Variants in MYO6 observed in about 807,000 individuals in gnomAD.
MYO6 encodes myosin VI.
A neutral mutation model predicts 178.7 loss-of-function variants in MYO6; 74 were observed. That is an observed-to-expected ratio of 0.41 (90% CI 0.34 to 0.50). The LOEUF (loss-of-function observed/expected upper bound fraction) is 0.50. Ranked by LOEUF, MYO6 falls within the 20% of genes least tolerant of loss-of-function variation. The pLI is 0.09. For synonymous variants in MYO6, 477 were observed against 504.6 expected (o/e 0.95, Z 0.73); for missense variants, 1,330 against 1,547.4 (o/e 0.86, Z 2.36).
At chr6:75,898,526 A>G in intron 30 of MYO6, 115 bp downstream of exon 30, 1 of 851,026 alleles carries the variant, frequency 1.2e-6, no homozygotes, top group East Asian at 2.6e-5. Flanking sequence ...TTTCTATGTA[A>G]AGTGATATTT....
At position 75,866,953 on chromosome 6, in the gene MYO6, A is replaced by G; in HGVS notation, c.1792A>G (p.Asn598Asp). The change falls in exon 18 of 35, where the codon AAT becomes GAT. Residue 598 changes from asparagine to aspartate, a missense_variant. Coordinates refer to ENST00000369977, the MANE Select transcript of MYO6 (RefSeq NM_004999.4). ...YETTQFVEKN[N>D]DALHMSLESL... is the part of the protein sequence containing the mutation. ...TCAGACCCAGTTTGTGGAGAAAAAT[A>G]ATGATGCTTTACATATGTCTCTTGA... 1.2e-6 allele frequency: 2 copies of G among 1,614,018 alleles called. No individual in the cohort carries two copies. The highest frequency in any genetic ancestry group is 8.5e-7 in the Non-Finnish European group (1 of 1,179,924).
intron 2 of MYO6, among the ~76,000 whole-genome samples, chr6:75,820,513 G>A (rs962321163): frequency 2.0e-5 from 3 of 152,098 alleles, no homozygotes; most frequent in Admixed American, 2.0e-4. Context: ...GGGATTACAG[G>A]TGCCCACCAC....
chr6:75,861,379 T>C (rs975561186), intron 15 of MYO6, among the ~76,000 whole-genome samples: 2 of 152,242 alleles, frequency 1.3e-5, no homozygotes, highest in Admixed American at 6.5e-5. Context: ...CTTAATTGCC[T>C]AGTCAGTAAA....
At chr6:75,858,028 A>G (rs562870715) in intron 13 of MYO6, among the ~76,000 whole-genome samples, 5 of 151,922 alleles carry the variant, frequency 3.3e-5, no homozygotes, top group Non-Finnish European at 5.9e-5. Context: ...TTTAAACTTT[A>G]TAATTCTCTA....
intron 11 of MYO6, among the ~76,000 whole-genome samples, chr6:75,849,876 A>G (rs185823357): frequency 6.6e-6 from 1 of 152,196 alleles, no homozygotes; most frequent in East Asian, 1.9e-4. Context: ...AGGAGACGGG[A>G]ATTTACGGGA....
At chr6:75,864,422 G>T (rs1447025692) in intron 16 of MYO6, among the ~76,000 whole-genome samples, 1 of 152,178 alleles carries the variant, frequency 6.6e-6, no homozygotes, top group Non-Finnish European at 1.5e-5. Flanking sequence ...TTCTTGTAAT[G>T]TGGAATCTAT....
intron 3 of MYO6, among the ~76,000 whole-genome samples, chr6:75,825,135 A>G (rs970419187): frequency 3.3e-5 from 5 of 152,216 alleles, no homozygotes; most frequent in Admixed American, 1.3e-4. Context: ...ACTGTTGCTT[A>G]TTGTCACAAG....
intron 1 of MYO6, among the ~76,000 whole-genome samples, chr6:75,802,564 C>T (rs891769298): frequency 6.6e-6 from 1 of 150,848 alleles, no homozygotes; most frequent in South Asian, 2.1e-4. Flanking sequence ...ACTCACTAGC[C>T]TCAACATCCC....
chr6:75,829,945 A>T (rs1467527688), intron 4 of MYO6, among the ~76,000 whole-genome samples: 1 of 152,196 alleles, frequency 6.6e-6, no homozygotes, highest in Non-Finnish European at 1.5e-5. Flanking sequence ...AGCTGTATTA[A>T]ACTCCTTAGT....
chr6:75,857,412 C>T (rs1775817566), intron 13 of MYO6, among the ~76,000 whole-genome samples, 158 bp downstream of exon 13: 1 of 152,020 alleles, frequency 6.6e-6, no homozygotes, highest in Non-Finnish European at 1.5e-5. Flanking sequence ...AGATAGGGAG[C>T]TGATACTTTA....
chr6:75,838,052 T>C (rs190527561), intron 7 of MYO6, among the ~76,000 whole-genome samples: 1 of 138,176 alleles, frequency 7.2e-6, no homozygotes, highest in Non-Finnish European at 1.6e-5. Flanking sequence ...CTTCTATAGC[T>C]TCTTTTTTTT....
chr6:75,884,018 A>G (rs2149352684), intron 23 of MYO6, among the ~76,000 whole-genome samples: 1 of 152,378 alleles, frequency 6.6e-6, no homozygotes, highest in South Asian at 2.1e-4. Flanking sequence ...CAAATAAAAT[A>G]CAGAAACATC....
chr6:75,867,114 GTTAT>G lies in MYO6; in HGVS notation c.1944+13_1944+16del. 2 of 1,585,420 alleles carry G rather than the reference GTTAT, an allele frequency of 1.3e-6. No individual in the cohort carries two copies. The highest frequency in any genetic ancestry group is 1.7e-6 in the Non-Finnish European group (2 of 1,166,966). ...TGGGAAACAAGTTTAAGGTATTTGT[GTTAT>G]TTAATTTTTTTTTTACTATATTTAA... On this transcript the variant is annotated intron_variant, in intron 18 of 34. Coordinates refer to ENST00000369977, the MANE Select transcript of MYO6 (RefSeq NM_004999.4).
chr6:75,817,608 A>G lies in MYO6; in HGVS notation c.61A>G (p.Ile21Val), dbSNP rs546375259. 1.9e-6 allele frequency: 3 copies of G among 1,614,178 alleles called. No individual in the cohort carries two copies. The East Asian group carries it at 6.7e-5, about 36-fold the overall frequency. ...TACAGATGGATTTCAGATGGGCAAT[A>G]TTGTGGATATTGGCCCCGACAGCTT... ...HPTDGFQMGN[I>V]VDIGPDSLTI... Residue 21 changes from isoleucine to valine, a missense_variant, in exon 2 of 35, where the codon ATT becomes GTT. Transcript: ENST00000369977.
intron 1 of MYO6, among the ~76,000 whole-genome samples, chr6:75,796,369 G>A (rs922995446): frequency 7.9e-5 from 12 of 152,048 alleles, no homozygotes; most frequent in African/African-American, 2.7e-4. Context: ...GTCTTACTAA[G>A]TAACATTTAT....
intron 1 of MYO6, among the ~76,000 whole-genome samples, chr6:75,800,327 G>T (rs1013006784): frequency 6.6e-6 from 1 of 152,126 alleles, no homozygotes; most frequent in Non-Finnish European, 1.5e-5. Flanking sequence ...ACAGGACCTG[G>T]GAGCTGCCGA....
At chr6:75,877,358 C>G (rs1777646400) in intron 20 of MYO6, among the ~76,000 whole-genome samples, 1 of 151,794 alleles carries the variant, frequency 6.6e-6, no homozygotes, top group Non-Finnish European at 1.5e-5. Context: ...CCTCTGCCTT[C>G]TGGGTTCAAG....
intron 32 of MYO6, among the ~76,000 whole-genome samples, chr6:75,911,259 G>T (rs781761733): frequency 6.6e-6 from 1 of 151,884 alleles, no homozygotes; most frequent in African/African-American, 2.4e-5. Context: ...TTACCAAAAC[G>T]TAGTAACGTT....
intron 1 of MYO6, among the ~76,000 whole-genome samples, chr6:75,750,729 G>A (rs1776813249): frequency 6.6e-6 from 1 of 151,564 alleles, no homozygotes; most frequent in African/African-American, 2.4e-5. Flanking sequence ...CAGTAAGGGC[G>A]CGCCACTGCC....
Sources: allele counts gnomAD v4.1 joint callset (sites outside exome capture counted in the v4.1 genomes callset), GRCh38; gene constraint gnomAD v4.1.1; transcripts MANE v1.5; gene names NCBI Gene and HGNC (gene_info 2026-07-23, HGNC 2026-07-21).